Variants in NALF1 observed in about 807,000 individuals in gnomAD.
NALF1 encodes the protein NALCN channel auxiliary factor 1, also known as family with sequence similarity 155 member A.
A neutral mutation model predicts 48.4 loss-of-function variants in NALF1; 3 were observed. That is an observed-to-expected ratio of 0.06 (90% confidence interval 0.03 to 0.16). The LOEUF is 0.16. Among genes scored for constraint, NALF1 ranks in the 10% least tolerant of loss-of-function variants. NALF1 has a pLI of 1.00. For synonymous variants in NALF1, 262 were observed against 245.7 expected, an observed-to-expected ratio of 1.07 and a Z score of -0.62; for missense variants, 526 against 571.5, an observed-to-expected ratio of 0.92 and a Z score of 0.81.
intron 1 of NALF1, among the ~76,000 whole-genome samples, chr13:107,726,913 TTGTG>T (rs1171461096): frequency 0.1 from 12,910 of 126,044 alleles, 866 homozygotes; most frequent in African/African-American, 0.14. Flanking sequence ...CGGCAAATTC[TTGTG>T]TGTGTGTGTG....
intron 1 of NALF1, among the ~76,000 whole-genome samples, chr13:107,253,241 T>C (rs1368729991): frequency 6.6e-6 from 1 of 152,132 alleles, no homozygotes; most frequent in Non-Finnish European, 1.5e-5. Flanking sequence ...GAGTTATTTC[T>C]TATTTCCATT....
At chr13:107,189,840 T>TAA (rs1377890522) in intron 2 of NALF1, among the ~76,000 whole-genome samples, 1 of 152,208 alleles carries the variant, frequency 6.6e-6, no homozygotes, top group Non-Finnish European at 1.5e-5. Flanking sequence ...TGGAATAATT[T>TAA]AAGTGTTCCA....
At chr13:107,453,673 A>C in intron 1 of NALF1, among the ~76,000 whole-genome samples, 1 of 152,226 alleles carries the variant, frequency 6.6e-6, no homozygotes, top group Admixed American at 6.5e-5. Context: ...TACTTATGCA[A>C]ATTTCTGCAG....
At chr13:107,498,600 G>A (rs1875414523) in intron 1 of NALF1, among the ~76,000 whole-genome samples, 4 of 152,146 alleles carry the variant, frequency 2.6e-5, no homozygotes, top group Admixed American at 1.3e-4. Context: ...GACAGGGGGA[G>A]AACAACGTGG....
At chr13:107,800,968 T>C (rs1328248306) in intron 1 of NALF1, among the ~76,000 whole-genome samples, 2 of 152,086 alleles carry the variant, frequency 1.3e-5, no homozygotes, top group African/African-American at 2.4e-5. Flanking sequence ...TATCTTATAC[T>C]AATTCAATTT....
intron 1 of NALF1, among the ~76,000 whole-genome samples, chr13:107,821,785 A>T (rs1337904326): frequency 6.6e-6 from 1 of 152,248 alleles, no homozygotes; most frequent in Non-Finnish European, 1.5e-5. Flanking sequence ...ACAAAGTAAG[A>T]TTTTAAGCGA....
At chr13:107,293,090 C>T (rs1444399171) in intron 1 of NALF1, among the ~76,000 whole-genome samples, 3 of 148,866 alleles carry the variant, frequency 2.0e-5, no homozygotes, top group African/African-American at 7.4e-5. Context: ...ACGCTATTCT[C>T]TTGCCTCAGC....
At chr13:107,181,626 T>TG (rs1879064558) in intron 2 of NALF1, among the ~76,000 whole-genome samples, 5 of 150,800 alleles carry the variant, frequency 3.3e-5, no homozygotes, top group African/African-American at 1.2e-4. Flanking sequence ...TTTTTTTTTT[T>TG]GCAAATGTTA....
chr13:107,431,981 G>C (rs991878683), intron 1 of NALF1, among the ~76,000 whole-genome samples: 2 of 152,152 alleles, frequency 1.3e-5, no homozygotes, highest in African/African-American at 4.8e-5. Flanking sequence ...GTCTGTGTTA[G>C]ACACTTTTTG....
chr13:107,300,521 TACTTTACAA>T (rs1165333984), intron 1 of NALF1, among the ~76,000 whole-genome samples: 1 of 152,240 alleles, frequency 6.6e-6, no homozygotes, highest in Non-Finnish European at 1.5e-5. Context: ...AAAATGAGCA[TACTTTACAA>T]GTATACTTGT....
At chr13:107,191,435 A>T (rs1244851098) in intron 2 of NALF1, among the ~76,000 whole-genome samples, 1 of 152,214 alleles carries the variant, frequency 6.6e-6, no homozygotes, top group Non-Finnish European at 1.5e-5. Flanking sequence ...TCCTGTCTTG[A>T]TGCAGATTAC....
chr13:107,578,083 T>C (rs1341332483), intron 1 of NALF1, among the ~76,000 whole-genome samples: 1 of 152,180 alleles, frequency 6.6e-6, no homozygotes, highest in Non-Finnish European at 1.5e-5. Flanking sequence ...TCTTCCCAAT[T>C]CTTGCCTCCT....
chr13:107,819,806 C>T (rs1879310941), intron 1 of NALF1, among the ~76,000 whole-genome samples: 1 of 150,942 alleles, frequency 6.6e-6, no homozygotes, highest in Non-Finnish European at 1.5e-5. Flanking sequence ...TCTCTTCCTT[C>T]CTCTTTTTCT....
intron 1 of NALF1, among the ~76,000 whole-genome samples, chr13:107,265,798 T>G (rs1324096886): frequency 2.0e-5 from 3 of 152,218 alleles, no homozygotes; most frequent in African/African-American, 7.2e-5. Context: ...CCCATGTAAT[T>G]AATATATTGA....
At chr13:107,189,553 C>T (rs1324000805) in intron 2 of NALF1, among the ~76,000 whole-genome samples, 4 of 152,142 alleles carry the variant, frequency 2.6e-5, no homozygotes, top group African/African-American at 9.7e-5. Flanking sequence ...TTGTTTGCAT[C>T]TGCACCAACC....
intron 1 of NALF1, among the ~76,000 whole-genome samples, chr13:107,624,142 A>G (rs530692578): frequency 6.6e-6 from 1 of 152,318 alleles, no homozygotes; most frequent in Non-Finnish European, 1.5e-5. Flanking sequence ...TTTACAAACA[A>G]GACAACTGAG....
chr13:107,545,681 G>A (rs1161457618), intron 1 of NALF1, among the ~76,000 whole-genome samples: 2 of 152,052 alleles, frequency 1.3e-5, no homozygotes, highest in Non-Finnish European at 2.9e-5. Context: ...CAAGACGTAC[G>A]ACGCATCCCA....
chr13:107,171,156 C>A (rs181857459), intron 2 of NALF1, among the ~76,000 whole-genome samples: 2 of 152,142 alleles, frequency 1.3e-5, no homozygotes, highest in African/African-American at 2.4e-5. Context: ...TGATGCACTG[C>A]GTAAACTGAC....
At chr13:107,836,058 C>T (rs1879879473) in intron 1 of NALF1, among the ~76,000 whole-genome samples, 4 of 152,132 alleles carry the variant, frequency 2.6e-5, no homozygotes, top group Admixed American at 2.6e-4. Context: ...ATGATGCGAT[C>T]ATACCTCAAT....
Sources: allele counts gnomAD v4.1 joint callset (sites outside exome capture counted in the v4.1 genomes callset), GRCh38; gene constraint gnomAD v4.1.1; transcripts MANE v1.5; gene names NCBI Gene and HGNC (gene_info 2026-07-23, HGNC 2026-07-21).